LRR1: variants seen among roughly 807,000 people sequenced by gnomAD.
LRR1 encodes leucine-rich repeat protein 1.
A neutral mutation model predicts 31.6 loss-of-function variants in LRR1; 29 were observed. The ratio of observed to expected loss-of-function variants is 0.92; its 90% CI spans 0.68 to 1.25. LRR1 has a LOEUF of 1.25. Among genes scored for constraint, LRR1 ranks in the 50% most tolerant of loss-of-function variants. The pLI is 0.00. For missense variants in LRR1, 485 were observed against 487.2 expected, an observed-to-expected ratio of 1.00 and a Z score of 0.04; for synonymous variants, 179 against 181.4, an observed-to-expected ratio of 0.99 and a Z score of 0.10.
At chr14:49,600,535 C>T in intron 1 of LRR1, 2 of 1,564,868 alleles carry the variant, frequency 1.3e-6, no homozygotes. Context: ...GCTATCATAG[C>T]CATTTTAACT....
At chr14:49,614,231 A>G in intron 3 of LRR1, 25 bp from the exon 4 acceptor site, 1 of 1,595,154 alleles carries the variant, frequency 6.3e-7, no homozygotes, top group Non-Finnish European at 8.5e-7. Flanking sequence ...ATGTTATAAA[A>G]TATTTTTATC....
In LRR1 at chr14:49,607,730, C is replaced by T. The variant is rs1566495395; in HGVS notation, c.613C>T (p.Leu205Phe). ...TIGDLIHLQE[L>F]NLNDNHLESF... ...TGGAGACCTCATACACCTTCAAGAA[C>T]TTAACCTGAATGACAATCACTTGGA... Residue 205 changes from leucine (L) to phenylalanine (F), a missense_variant, in exon 3 of 4, where the codon CTT (leucine) becomes TTT (phenylalanine). This residue lies in a region of LRR1 where 260 missense variants were observed against 249.6 expected (regional missense o/e 1.04). Coordinates refer to ENST00000298288, the MANE Select transcript of LRR1 (RefSeq NM_152329.4). The T allele has an allele frequency of 5.0e-6, 8 of 1,612,494 alleles. No individual in the cohort carries two copies. The highest frequency in any genetic ancestry group is 5.9e-6 in the Non-Finnish European group (7 of 1,179,018).
chr14:49,608,341 A>G (rs539556603), intron 3 of LRR1, among the ~76,000 whole-genome samples: 1 of 139,154 alleles, frequency 7.2e-6, no homozygotes, highest in African/African-American at 2.7e-5. Flanking sequence ...CCGAAGTGTC[A>G]TCCCAGAAAG....
intron 2 of LRR1, among the ~76,000 whole-genome samples, chr14:49,604,474 C>T (rs1219389444): frequency 1.3e-5 from 2 of 151,978 alleles, no homozygotes; most frequent in Non-Finnish European, 2.9e-5. Flanking sequence ...CCTAGTTGGG[C>T]GGATTGCTTG....
At chr14:49,601,604 A>C in intron 1 of LRR1, 1 of 1,289,114 alleles carries the variant, frequency 7.8e-7, no homozygotes, top group African/African-American at 1.5e-5. Context: ...TATATAACCT[A>C]CTGGGAGGTG....
At chr14:49,600,432 C>G (rs1346135663) in intron 1 of LRR1, 1 of 1,602,116 alleles carries the variant, frequency 6.2e-7, no homozygotes, top group East Asian at 2.2e-5. Context: ...ATGTGTGGAA[C>G]AAGGACAGAA....
chr14:49,601,301 A>G (rs796637322), intron 1 of LRR1, among the ~76,000 whole-genome samples: 16 of 152,306 alleles, frequency 1.1e-4, no homozygotes, highest in African/African-American at 1.9e-4. Flanking sequence ...TTTAATAACT[A>G]TCTCTCATCA....
chr14:49,599,994 A>C, intron 1 of LRR1: 1 of 1,603,804 alleles, frequency 6.2e-7, no homozygotes, highest in Non-Finnish European at 8.5e-7. Flanking sequence ...CAGCAGCATC[A>C]TGGCTCACGG....
At position 49,599,129 on chromosome 14, in the gene LRR1, TC is replaced by T. The variant is rs766836007; in HGVS notation, c.111del (p.Arg38GlyfsTer15). Reference sequence around the variant, plus strand: ...CGTGTTGAGCCTCTGTCAGCAGACTTCCAGGAGTCAGCCGCCGGTCCGAGCC... The same window carrying T: ...CGTGTTGAGCCTCTGTCAGCAGACTTCAGGAGTCAGCCGCCGGTCCGAGCC... Reference protein sequence around the residue: ...RAVLSLCQQTSRSQPPVRAFL... With the variant: ...RAVLSLCQQTXRSQPPVRAFL... On this transcript the variant is annotated frameshift_variant, in exon 1 of 4. Coordinates refer to ENST00000298288, the MANE Select transcript of LRR1 (RefSeq NM_152329.4). LOFTEE classifies it high-confidence loss of function. 4.4e-6 allele frequency: 7 copies of T among 1,608,892 alleles called. No homozygotes were observed. The highest frequency in any genetic ancestry group is 4.5e-5 in the East Asian group (2 of 44,718).
chr14:49,600,256 T>C, intron 1 of LRR1: 1 of 1,487,184 alleles, frequency 6.7e-7, no homozygotes, highest in Non-Finnish European at 9.4e-7. Flanking sequence ...CTTATATGCT[T>C]CTCGGTGGTA....
At position 49,607,714 on chromosome 14, in the gene LRR1, C is replaced by T. The variant is rs756060967; in HGVS notation, c.597C>T (p.Leu199=). 4 of 1,612,826 alleles carry T rather than the reference C, an allele frequency of 2.5e-6. No homozygotes were observed. Among genetic ancestry groups the T allele is most frequent in the Non-Finnish European group, 2.5e-6 (3 of 1,179,412 alleles). Residue 199 remains leucine (L), a synonymous_variant, in exon 3 of 4, where the codon CTC becomes CTT. Coordinates refer to ENST00000298288, the MANE Select transcript of LRR1 (RefSeq NM_152329.4). ...AGCTTCCAGCTACAATTGGAGACCT[C>T]ATACACCTTCAAGAACTTAACCTGA... ...IKKLPATIGD[L]IHLQELNLND...
At chr14:49,602,329 A>ATAAT (rs767809486) in intron 1 of LRR1, 41 bp from the exon 2 acceptor site, 1 of 1,518,482 alleles carries the variant, frequency 6.6e-7, no homozygotes, top group Non-Finnish European at 9.1e-7. Flanking sequence ...CTGAGTAACA[A>ATAAT]TAATTAGTTT....
At chr14:49,600,595 C>T in intron 1 of LRR1, 2 of 1,551,338 alleles carry the variant, frequency 1.3e-6, no homozygotes, top group Non-Finnish European at 1.7e-6. Flanking sequence ...GATGTATAAA[C>T]TGTTGTTTAA....
intron 2 of LRR1, among the ~76,000 whole-genome samples, chr14:49,604,968 T>A (rs910559723): frequency 1.3e-5 from 2 of 151,432 alleles, no homozygotes; most frequent in Non-Finnish European, 2.9e-5. Flanking sequence ...CCATCACAGC[T>A]CACTGCACCC....
chr14:49,608,939 C>A (rs1882402301), intron 3 of LRR1, among the ~76,000 whole-genome samples: 1 of 119,144 alleles, frequency 8.4e-6, no homozygotes, highest in Non-Finnish European at 1.6e-5. Flanking sequence ...GATGGAGTCT[C>A]ACTCTGTCGC....
chr14:49,602,156 T>G (rs1337005974), intron 1 of LRR1, among the ~76,000 whole-genome samples: 1 of 146,198 alleles, frequency 6.8e-6, no homozygotes, highest in Non-Finnish European at 1.5e-5. Flanking sequence ...TTTTTTTTTT[T>G]TTTTTTTTTT....
chr14:49,599,244 T>C (rs1881940338), intron 1 of LRR1, 41 bp downstream of exon 1: 1 of 1,531,536 alleles, frequency 6.5e-7, no homozygotes, highest in Non-Finnish European at 8.8e-7. Context: ...CGCGTTCTTC[T>C]TGGAAGCCGA....
In LRR1 at chr14:49,614,644, A is replaced by T; in HGVS notation, c.*148A>T. On this transcript the variant is annotated 3_prime_UTR_variant, in exon 4 of 4. Coordinates refer to ENST00000298288, the MANE Select transcript of LRR1 (RefSeq NM_152329.4). ...TAGTTACTCATTTAGATGACTCCAA[A>T]ACTTTTATTAAAACCAATTTTAGTT... The T allele has an allele frequency of 9.1e-7, 1 of 1,098,954 alleles. No homozygotes were observed. Among genetic ancestry groups the T allele is most frequent in the Admixed American group, 2.2e-5 (1 of 46,264 alleles). The allele number at this position is 1,098,954 out of a possible 1,614,324, so 68.1% of individuals were successfully genotyped here. A position where few individuals can be genotyped will look rare whatever the true frequency, so the allele number is the denominator to read the frequency against.
At chr14:49,602,605 G>A (rs1235396300) in intron 2 of LRR1, 137 bp downstream of exon 2, 2 of 657,182 alleles carry the variant, frequency 3.0e-6, no homozygotes. Context: ...CTAGGCTCAA[G>A]CGAGCCTCCT....
Sources: allele counts gnomAD v4.1 joint callset (sites outside exome capture counted in the v4.1 genomes callset), GRCh38; gene constraint gnomAD v4.1.1; regional missense constraint gnomAD v4.1.1; transcripts MANE v1.5; gene names NCBI Gene and HGNC (gene_info 2026-07-23, HGNC 2026-07-21).